Variants in PRKCA observed in about 807,000 individuals in gnomAD.
The protein encoded by PRKCA is protein kinase C alpha type.
Under a neutral mutation model 87.0 loss-of-function variants are expected in PRKCA, and 27 were observed. That is an observed-to-expected ratio of 0.31 (90% CI 0.23 to 0.43). The LOEUF (loss-of-function observed/expected upper bound fraction) is 0.43, where lower values mean the gene tolerates loss of function less well. Among genes scored for constraint, PRKCA ranks in the 20% least tolerant of loss-of-function variants. The pLI, the probability that PRKCA is intolerant of heterozygous loss-of-function variation, is 1.00. For synonymous variants in PRKCA, 329 were observed against 311.1 expected (o/e 1.06, Z -0.61); for missense variants, 518 against 852.3 (o/e 0.61, Z 4.88).
intron 2 of PRKCA, among the ~76,000 whole-genome samples, chr17:66,308,247 A>G (rs1904921281): frequency 6.6e-6 from 1 of 152,156 alleles, no homozygotes; most frequent in Admixed American, 6.5e-5. Flanking sequence ...GTTCCAGTGC[A>G]CATTTTTTTG....
At position 66,493,531 on chromosome 17, in the gene PRKCA, T is replaced by C. The variant is rs577726027; in HGVS notation, c.206-2670T>C. Among the ~76,000 whole-genome samples the C allele has an allele frequency of 1.2e-3, 186 of 152,182 alleles. 1 individual carries two copies. The highest frequency in any genetic ancestry group is 2.0e-3 in the Non-Finnish European group (136 of 68,002). ...CTTGGGAAAGACCATCCTTTGTTTG[T>C]TGGTTCATTCATCTATCCATCTGTC... On this transcript the variant is annotated intron_variant, in intron 2 of 16. Transcript: ENST00000413366.
In PRKCA at chr17:66,738,764, G is replaced by A; in HGVS notation, c.1231G>A (p.Asp411Asn). ...TCATGTGTTGAACCTTGGTCTGCAG[G>A]ATCGGCTGTACTTCGTCATGGAATA... ...TQLHSCFQTVDRLYFVMEYVN... is the reference protein window; with the variant it reads ...TQLHSCFQTVNRLYFVMEYVN... Residue 411 changes from aspartate to asparagine, a missense_variant and splice_region_variant, in exon 11 of 17, where the codon GAT becomes AAT. Physicochemically the swap from Asp to Asn is conservative, Grantham distance 23 (BLOSUM62 1). Transcript: ENST00000413366. 6.2e-7 allele frequency: 1 copy of A among 1,613,614 alleles called. No homozygotes were observed. Among genetic ancestry groups the A allele is most frequent in the East Asian group, 2.2e-5 (1 of 44,852 alleles).
Position 66,378,094 on chromosome 17 carries a change from G to A in PRKCA, c.205+71967G>A, listed in dbSNP as rs150953241. On this transcript the variant is annotated intron_variant, in intron 2 of 16. Coordinates refer to ENST00000413366, the MANE Select transcript of PRKCA (RefSeq NM_002737.3). ...TCCCAGCACTTTGGGAGGCCCAAGT[G>A]GGTGGATCACCTGAGGTGAGGAGTT... Among the ~76,000 whole-genome samples the A allele has an allele frequency of 9.7e-3, 1,481 of 152,206 alleles. 15 individuals carry two copies. Among genetic ancestry groups the A allele is most frequent in the African/African-American group, 0.033 (1,365 of 41,548 alleles).
chr17:66,575,418 A>T (rs1969207233), intron 3 of PRKCA, among the ~76,000 whole-genome samples: 1 of 152,118 alleles, frequency 6.6e-6, no homozygotes, highest in Non-Finnish European at 1.5e-5. Context: ...CATCTCTACT[A>T]AAAATACAAA....
At chr17:66,385,400 A>G (rs1910003593) in intron 2 of PRKCA, among the ~76,000 whole-genome samples, 1 of 152,216 alleles carries the variant, frequency 6.6e-6, no homozygotes, top group African/African-American at 2.4e-5. Context: ...TATTAGTTCT[A>G]AATCATCCAC....
chr17:66,547,892 C>T (rs567265043), intron 3 of PRKCA, among the ~76,000 whole-genome samples: 1 of 152,304 alleles, frequency 6.6e-6, no homozygotes, highest in South Asian at 2.1e-4. Flanking sequence ...ACCATACAAA[C>T]ATCTTTTAGA....
intron 8 of PRKCA, among the ~76,000 whole-genome samples, chr17:66,716,391 C>G (rs924145900): frequency 6.6e-6 from 1 of 152,058 alleles, no homozygotes; most frequent in African/African-American, 2.4e-5. Context: ...ATGGCTGTTG[C>G]AGTGCGCACT....
intron 14 of PRKCA, chr17:66,778,224 A>G: frequency 1.0e-6 from 1 of 984,652 alleles, no homozygotes; most frequent in Non-Finnish European, 1.2e-6. Flanking sequence ...TCTATTAAAA[A>G]CGGTGATGGC....
chr17:66,701,359 C>G (rs1210758204), intron 8 of PRKCA, among the ~76,000 whole-genome samples: 2 of 151,984 alleles, frequency 1.3e-5, no homozygotes, highest in Non-Finnish European at 2.9e-5. Context: ...AGAAAACATA[C>G]TTGGGGGGAA....
chr17:66,374,598 G>C (rs1164435520), intron 2 of PRKCA, among the ~76,000 whole-genome samples: 6 of 152,206 alleles, frequency 3.9e-5, no homozygotes, highest in African/African-American at 7.2e-5. Context: ...AGTCTTGTTC[G>C]ACACTGTTAA....
chr17:66,506,257 C>G (rs1916971814), intron 3 of PRKCA, among the ~76,000 whole-genome samples: 1 of 151,558 alleles, frequency 6.6e-6, no homozygotes, highest in South Asian at 2.1e-4. Flanking sequence ...CATCGTGCCA[C>G]TGCATTGCAG....
At chr17:66,778,473 G>A (rs927231895) in intron 14 of PRKCA, among the ~76,000 whole-genome samples, 8 of 152,090 alleles carry the variant, frequency 5.3e-5, no homozygotes, top group African/African-American at 1.4e-4. Flanking sequence ...CCGAGATCGC[G>A]CCACTGCACT....
At chr17:66,645,922 G>T (rs1971440696) in intron 5 of PRKCA, among the ~76,000 whole-genome samples, 1 of 152,174 alleles carries the variant, frequency 6.6e-6, no homozygotes, top group African/African-American at 2.4e-5. Flanking sequence ...GGCCTGTGAT[G>T]GCCCAATAAA....
At chr17:66,480,010 AAAAC>A (rs565342984) in intron 2 of PRKCA, among the ~76,000 whole-genome samples, 5,593 of 152,072 alleles carry the variant, frequency 0.037, 133 homozygotes, top group Admixed American at 0.055. Flanking sequence ...AAAAAAAAAA[AAAAC>A]ATTTTGGTTT....
At chr17:66,682,043 G>A (rs1437988574) in intron 5 of PRKCA, among the ~76,000 whole-genome samples, 3 of 152,282 alleles carry the variant, frequency 2.0e-5, no homozygotes, top group Non-Finnish European at 4.4e-5. Flanking sequence ...CGGCTAGGGC[G>A]GCCCAGTCCT....
chr17:66,748,971 C>A (rs1483016033), intron 13 of PRKCA, among the ~76,000 whole-genome samples: 2 of 151,752 alleles, frequency 1.3e-5, no homozygotes, highest in African/African-American at 4.8e-5. Context: ...CCCTCCCTGG[C>A]CAGTCTGCAT....
chr17:66,570,850 G>A (rs1463398533), intron 3 of PRKCA, among the ~76,000 whole-genome samples: 1 of 152,114 alleles, frequency 6.6e-6, no homozygotes, highest in Non-Finnish European at 1.5e-5. Flanking sequence ...AGAGCCCTGG[G>A]TTCTAGTTAC....
intron 3 of PRKCA, among the ~76,000 whole-genome samples, chr17:66,572,180 T>C (rs776972246): frequency 2.1e-4 from 32 of 152,218 alleles, no homozygotes; most frequent in Non-Finnish European, 3.5e-4. Context: ...CTATAAAGAA[T>C]ATCAGGCTGG....
At chr17:66,368,069 C>G (rs1908837150) in intron 2 of PRKCA, among the ~76,000 whole-genome samples, 1 of 152,122 alleles carries the variant, frequency 6.6e-6, no homozygotes, top group Non-Finnish European at 1.5e-5. Context: ...GAACTCAGAA[C>G]TCCAACCGTG....
Sources: allele counts gnomAD v4.1 joint callset (sites outside exome capture counted in the v4.1 genomes callset), GRCh38; gene constraint gnomAD v4.1.1; transcripts MANE v1.5; gene names NCBI Gene and HGNC (gene_info 2026-07-23, HGNC 2026-07-21).